The following ALOXE3 variants were observed in gnomAD, a reference collection of about 807,000 sequenced individuals.
ALOXE3 encodes arachidonate epidermal lipoxygenase 3, also known as hydroperoxide isomerase ALOXE3.
A neutral mutation model predicts 87.5 loss-of-function variants in ALOXE3; 78 were observed. The ratio of observed to expected loss-of-function variants is 0.89; its 90% CI spans 0.74 to 1.08. The LOEUF (loss-of-function observed/expected upper bound fraction) is 1.08. Among genes scored for constraint, ALOXE3 ranks in the 50% least tolerant of loss-of-function variants. The pLI is 0.00. For missense variants in ALOXE3, 946 were observed against 912.4 expected (o/e 1.04, Z -0.47); for synonymous variants, 363 against 370.8 (o/e 0.98, Z 0.24).
intron 3 of ALOXE3, 100 bp downstream of exon 3, chr17:8,116,676 C>A: frequency 2.1e-6 from 3 of 1,397,546 alleles, no homozygotes. Context: ...GAGTTTCTGA[C>A]CTCAATCTTA....
Position 8,110,210 on chromosome 17 carries a change from C to G in ALOXE3, c.1187G>C (p.Arg396Pro). Residue 396 changes from arginine (R) to proline (P), a missense_variant, in exon 10 of 16, where the codon CGC (arginine) becomes CCC (proline). Arg to Pro is a moderately radical substitution (Grantham distance 103). Transcript: ENST00000448843. ...TTCGTGCACCAGGAACTCAGAGTTG[C>G]GCACCCACGTCTTGGCCAGCAGCCA... Reference protein sequence around the residue: ...WDWLLAKTWVRNSEFLVHENN... With the variant: ...WDWLLAKTWVPNSEFLVHENN... 6.2e-7 allele frequency: 1 copy of G among 1,614,098 alleles called. No individual in the cohort carries two copies. Among genetic ancestry groups the G allele is most frequent in the South Asian group, 1.1e-5 (1 of 91,088 alleles).
rs569585155 is a variant in ALOXE3 at position 8,114,302 on chromosome 17, G to C, written c.680+182C>G. On this transcript the variant is annotated intron_variant, in intron 6 of 15. Transcript: ENST00000448843. ...ACAAGGGGGAGACAAGGGCAGGAAG[G>C]GGGCAGGGGGCATGTAGAGAGGGAA... Among the ~76,000 whole-genome samples, 5 of 150,294 alleles carry C rather than the reference G, an allele frequency of 3.3e-5. No individual in the cohort carries two copies. In the East Asian group the frequency reaches 9.8e-4, roughly 30 times the overall value.
rs3027227 is a variant in ALOXE3 at position 8,116,638 on chromosome 17, T to A, written c.352+138A>T. 7.5e-5 allele frequency: 81 copies of A among 1,085,154 alleles called. No homozygotes were observed. In the African/African-American group the frequency reaches 1.1e-3, roughly 15 times the overall value. The allele number at this position is 1,085,154 out of a possible 1,614,324, so 67.2% of individuals were successfully genotyped here. A position where few individuals can be genotyped will look rare whatever the true frequency, so the allele number is the denominator to read the frequency against. ...TTTCAGGGCTTGAGAGGCTCCCTTTTTTCAGAAAACATCTACTTGGGAGCC... is the reference window on the plus strand; with the variant it reads ...TTTCAGGGCTTGAGAGGCTCCCTTTATTCAGAAAACATCTACTTGGGAGCC... On this transcript the variant is annotated intron_variant, in intron 3 of 15. Coordinates refer to ENST00000448843, the MANE Select transcript of ALOXE3 (RefSeq NM_021628.3).
chr17:8,115,138 T>C, intron 4 of ALOXE3, 81 bp from the exon 5 acceptor site: 1 of 1,574,608 alleles, frequency 6.4e-7, no homozygotes, highest in Non-Finnish European at 8.7e-7. Flanking sequence ...CGGCTTCAGA[T>C]TAAAACTTCA....
chr17:8,109,113 C>G, intron 12 of ALOXE3, 61 bp downstream of exon 12: 3 of 1,603,434 alleles, frequency 1.9e-6, no homozygotes, highest in Non-Finnish European at 2.5e-6. Flanking sequence ...AGCGCAGGGA[C>G]CACAATGTCC....
chr17:8,105,202 G>C (rs1401892173), intron 13 of ALOXE3, among the ~76,000 whole-genome samples: 1 of 152,102 alleles, frequency 6.6e-6, no homozygotes, highest in Non-Finnish European at 1.5e-5. Flanking sequence ...TTTCCTTCCT[G>C]GCTGTTCACT....
intron 3 of ALOXE3, among the ~76,000 whole-genome samples, 187 bp downstream of exon 3, chr17:8,116,589 A>G (rs1980607610): frequency 6.6e-6 from 1 of 152,200 alleles, no homozygotes; most frequent in African/African-American, 2.4e-5. Flanking sequence ...CAGAAGAGTC[A>G]ATACCGTCTG....
chr17:8,111,801 G>A (rs888489004), intron 7 of ALOXE3, among the ~76,000 whole-genome samples: 4 of 150,074 alleles, frequency 2.7e-5, no homozygotes, highest in African/African-American at 1.0e-4. Flanking sequence ...GGGGAAGAGA[G>A]TCGTGTGTCC....
intron 13 of ALOXE3, 117 bp from the exon 14 acceptor site, chr17:8,104,332 T>G: frequency 2.6e-6 from 2 of 765,060 alleles, no homozygotes; most frequent in Non-Finnish European, 4.5e-6. Flanking sequence ...CACCGAGCCA[T>G]GACTGTCTTG....
Position 8,111,425 on chromosome 17 carries a change from C to T in ALOXE3, c.891G>A (p.Leu297=). 1.2e-6 allele frequency: 2 copies of T among 1,614,112 alleles called. No homozygotes were observed. The highest frequency in any genetic ancestry group is 1.7e-5 in the Admixed American group (1 of 60,026). ...LHCISSLPSK[L]PVTNDMVAPL... Reference sequence around the variant, plus strand: ...GGGCCACCATGTCATTGGTGACAGGCAGCTTGCTGGGCAAGCTAGAGATGC... The same window carrying T: ...GGGCCACCATGTCATTGGTGACAGGTAGCTTGCTGGGCAAGCTAGAGATGC... Residue 297 remains leucine, a synonymous_variant, in exon 8 of 16, where the codon CTG becomes CTA. Coordinates refer to ENST00000448843, the MANE Select transcript of ALOXE3 (RefSeq NM_021628.3).
chr17:8,097,968 C>T (rs57293766), intron 15 of ALOXE3, among the ~76,000 whole-genome samples: 1,521 of 151,894 alleles, frequency 0.01, 32 homozygotes, highest in African/African-American at 0.035. Flanking sequence ...AGGATGGTCT[C>T]GATCTCCTGA....
At chr17:8,098,767 T>A (rs557525065) in intron 15 of ALOXE3, among the ~76,000 whole-genome samples, 10 of 152,182 alleles carry the variant, frequency 6.6e-5, no homozygotes, top group Non-Finnish European at 1.5e-4. Flanking sequence ...CATGGTGTGT[T>A]ATTGTTTTAT....
intron 13 of ALOXE3, among the ~76,000 whole-genome samples, chr17:8,106,832 C>G (rs927260327): frequency 1.2e-4 from 19 of 152,254 alleles, no homozygotes; most frequent in African/African-American, 3.6e-4. Context: ...ATTGAAAGAG[C>G]TGTTGTCAAT....
rs202071882 is a variant in ALOXE3, at chr17:8,103,531, GA to G, written c.1786-39del. Reference sequence around the variant, plus strand: ...CCATCCCAGTTGGGTCAGTTGGCCAGAAGGGGAGTATCACCTCCCTCTTCAC... The same window carrying G: ...CCATCCCAGTTGGGTCAGTTGGCCAGAGGGGAGTATCACCTCCCTCTTCAC... On this transcript the variant is annotated intron_variant, in intron 14 of 15. Coordinates refer to ENST00000448843, the MANE Select transcript of ALOXE3 (RefSeq NM_021628.3). The G allele has an allele frequency of 6.3e-5, 102 of 1,609,110 alleles. No homozygotes were observed. The East Asian group carries it at 1.7e-3, about 26-fold the overall frequency.
At chr17:8,100,776 A>C (rs958765815) in intron 15 of ALOXE3, among the ~76,000 whole-genome samples, 2 of 152,010 alleles carry the variant, frequency 1.3e-5, no homozygotes, top group Non-Finnish European at 2.9e-5. Flanking sequence ...GTGCCATTGC[A>C]CCTGGCTTAA....
chr17:8,099,440 T>A (rs1978781704), intron 15 of ALOXE3, among the ~76,000 whole-genome samples: 1 of 151,948 alleles, frequency 6.6e-6, no homozygotes, highest in Non-Finnish European at 1.5e-5. Context: ...GATGGGTGGA[T>A]CACCTGAGGT....
chr17:8,108,508 G>C lies in ALOXE3; in HGVS notation c.1644C>G (p.Gly548=). The C allele has an allele frequency of 1.2e-6, 2 of 1,613,404 alleles. No homozygotes were observed. The highest frequency in any genetic ancestry group is 1.7e-6 in the Non-Finnish European group (2 of 1,179,632). ...QQDSELQAWT[G]EIFAQAFLGR... ...CCAGGAACGCCTGAGCAAAAATCTC[G>C]CCAGTCCAGGCCTGCAGCTCCGAAT... Residue 548 remains glycine (G), a synonymous_variant, in exon 13 of 16, where the codon GGC becomes GGG. Coordinates refer to ENST00000448843, the MANE Select transcript of ALOXE3 (RefSeq NM_021628.3).
chr17:8,107,584 G>C (rs1389901153), intron 13 of ALOXE3, among the ~76,000 whole-genome samples: 1 of 151,784 alleles, frequency 6.6e-6, no homozygotes, highest in Non-Finnish European at 1.5e-5. Flanking sequence ...CGGATCATGA[G>C]GTCAGGAGAT....
At position 8,096,338 on chromosome 17, in the gene ALOXE3, T is replaced by A. The variant is rs1978538737; in HGVS notation, c.*289A>T. On this transcript the variant is annotated 3_prime_UTR_variant, in exon 16 of 16. Coordinates refer to ENST00000448843, the MANE Select transcript of ALOXE3 (RefSeq NM_021628.3). Reference sequence around the variant, plus strand: ...ATTCCAAGAGGCTGGAACAAGAGGCTGCCCCAAGTGGGGCAAGAAGTGAAG... The same window carrying A: ...ATTCCAAGAGGCTGGAACAAGAGGCAGCCCCAAGTGGGGCAAGAAGTGAAG... 2.6e-6 allele frequency: 1 copy of A among 385,430 alleles called. No individual in the cohort carries two copies. Among genetic ancestry groups the A allele is most frequent in the Non-Finnish European group, 4.7e-6 (1 of 211,806 alleles). 23.9% of individuals were successfully genotyped at this position (385,430 alleles called of 1,614,324 possible). A position where few individuals can be genotyped will look rare whatever the true frequency, so the allele number is the denominator to read the frequency against.
Sources: gnomAD v4.1 joint callset for allele counts (sites outside exome capture counted in the v4.1 genomes callset) on GRCh38, gnomAD v4.1.1 for gene constraint, MANE v1.5 for transcripts, NCBI Gene and HGNC (gene_info 2026-07-23, HGNC 2026-07-21) for gene names.